Variants in ADGRL3 observed in about 807,000 individuals in gnomAD.
ADGRL3 encodes the protein calcium-independent alpha-latrotoxin receptor 3.
In ADGRL3, 62 loss-of-function variants were observed where a neutral mutation model predicts 153.5. The observed-to-expected ratio is 0.40, with a 90% CI of 0.33 to 0.50. The LOEUF (loss-of-function observed/expected upper bound fraction) is 0.50. Among genes scored for constraint, ADGRL3 ranks in the 20% least tolerant of loss-of-function variants. The probability of loss-of-function intolerance (pLI) is 0.47; values close to 1 mark genes in which losing one functional copy is unlikely to be tolerated. For synonymous variants in ADGRL3, 710 were observed against 672.5 expected (o/e 1.06, Z -0.86); for missense variants, 1,641 against 1,859.4 (o/e 0.88, Z 2.16).
chr4:61,502,300 A>G (rs925817411), intron 3 of ADGRL3, among the ~76,000 whole-genome samples: 1 of 152,114 alleles, frequency 6.6e-6, no homozygotes, highest in African/African-American at 2.4e-5. Context: ...GTGCTCAAAT[A>G]TTTCAACTAC....
chr4:61,224,676 TG>T (rs1459921620), intron 1 of ADGRL3, among the ~76,000 whole-genome samples: 1 of 152,186 alleles, frequency 6.6e-6, no homozygotes, highest in Non-Finnish European at 1.5e-5. Context: ...GCCACCTCCT[TG>T]AATTCTCTGT....
intron 4 of ADGRL3, among the ~76,000 whole-genome samples, chr4:61,552,916 A>G (rs966082601): frequency 1.3e-5 from 2 of 152,178 alleles, no homozygotes; most frequent in Non-Finnish European, 2.9e-5. Context: ...GTATTGGTCT[A>G]TTCCATAAAT....
At chr4:61,571,836 G>GT (rs1404033666) in intron 4 of ADGRL3, among the ~76,000 whole-genome samples, 3 of 152,116 alleles carry the variant, frequency 2.0e-5, no homozygotes, top group Non-Finnish European at 4.4e-5. Flanking sequence ...TACTTTAAAA[G>GT]TTTGAGAAAT....
chr4:61,691,656 GTCTA>G (rs1289082418), intron 6 of ADGRL3, among the ~76,000 whole-genome samples: 6 of 152,128 alleles, frequency 3.9e-5, no homozygotes, highest in Non-Finnish European at 8.8e-5. Context: ...CTTTAACAAA[GTCTA>G]TCTAATACGG....
At chr4:61,439,645 C>T (rs2152459678) in intron 2 of ADGRL3, among the ~76,000 whole-genome samples, 1 of 152,202 alleles carries the variant, frequency 6.6e-6, no homozygotes, top group African/African-American at 2.4e-5. Flanking sequence ...TAATGTTCCC[C>T]TCCCTATATC....
chr4:61,874,672 A>C (rs1282160550), intron 9 of ADGRL3, among the ~76,000 whole-genome samples: 1 of 151,810 alleles, frequency 6.6e-6, no homozygotes, highest in African/African-American at 2.4e-5. Flanking sequence ...CTGCTAGTAA[A>C]ATATACATAC....
chr4:61,465,534 AC>A (rs1415787711), intron 2 of ADGRL3, among the ~76,000 whole-genome samples: 1 of 151,640 alleles, frequency 6.6e-6, no homozygotes, highest in African/African-American at 2.4e-5. Flanking sequence ...ATTGTATTTT[AC>A]CAAAAGAAAA....
intron 1 of ADGRL3, among the ~76,000 whole-genome samples, chr4:61,285,598 T>G (rs1344766850): frequency 6.6e-6 from 1 of 151,888 alleles, no homozygotes. Context: ...GGCATTGTTG[T>G]AAACAAAGGA....
At chr4:61,652,388 A>G (rs1370942261) in intron 5 of ADGRL3, among the ~76,000 whole-genome samples, 2 of 152,180 alleles carry the variant, frequency 1.3e-5, no homozygotes, top group Non-Finnish European at 2.9e-5. Flanking sequence ...GTTTCTTTGG[A>G]TTAATTGATT....
intron 1 of ADGRL3, among the ~76,000 whole-genome samples, chr4:61,344,747 T>G (rs979728331): frequency 3.3e-5 from 5 of 152,108 alleles, no homozygotes; most frequent in African/African-American, 1.2e-4. Flanking sequence ...ACATCTCTTT[T>G]GCTTGTTTAC....
intron 1 of ADGRL3, among the ~76,000 whole-genome samples, chr4:61,257,561 A>G (rs1228229385): frequency 3.9e-5 from 6 of 152,304 alleles, no homozygotes; most frequent in Middle Eastern, 3.4e-3. Flanking sequence ...AGTATTAGAC[A>G]TACTAAATAG....
chr4:61,711,690 A>G (rs1290978306), intron 6 of ADGRL3, among the ~76,000 whole-genome samples: 1 of 151,650 alleles, frequency 6.6e-6, no homozygotes, highest in Non-Finnish European at 1.5e-5. Flanking sequence ...GCCATACAGA[A>G]AACAAAAGTG....
At chr4:61,736,374 C>A (rs937976981) in intron 8 of ADGRL3, among the ~76,000 whole-genome samples, 1 of 152,164 alleles carries the variant, frequency 6.6e-6, no homozygotes, top group Non-Finnish European at 1.5e-5. Context: ...CTATTGAAGG[C>A]TGGGCGTGGT....
At chr4:61,635,859 A>T (rs1178508673) in intron 5 of ADGRL3, among the ~76,000 whole-genome samples, 1 of 152,010 alleles carries the variant, frequency 6.6e-6, no homozygotes, top group African/African-American at 2.4e-5. Flanking sequence ...CTGTGTGTAT[A>T]TGTGTCCTAA....
intron 1 of ADGRL3, among the ~76,000 whole-genome samples, chr4:61,274,270 A>T (rs565219753): frequency 4.6e-5 from 7 of 152,244 alleles, no homozygotes; most frequent in African/African-American, 1.7e-4. Context: ...AAATATAAAA[A>T]TGATAAATGC....
At position 61,949,016 on chromosome 4, in the gene ADGRL3, AG is replaced by A. The variant is rs1191334343; in HGVS notation, c.2805+741del. ...TTAGGAGGCCTAGGTCAGGAAACTC[AG>A]AAAAAAAAAAAAAACACTAAGCAGG... On this transcript the variant is annotated intron_variant, in intron 17 of 26. Coordinates refer to ENST00000683033, the MANE Select transcript of ADGRL3 (RefSeq NM_001387552.1). Among the ~76,000 whole-genome samples, 1,448 of 148,796 alleles carry A rather than the reference AG, an allele frequency of 9.7e-3. 11 individuals are homozygous for A. Among genetic ancestry groups the A allele is most frequent in the Middle Eastern group, 0.021 (6 of 292 alleles).
At chr4:61,956,185 C>T (rs895984266) in intron 17 of ADGRL3, among the ~76,000 whole-genome samples, 1 of 152,160 alleles carries the variant, frequency 6.6e-6, no homozygotes, top group African/African-American at 2.4e-5. Flanking sequence ...GCTCCACAGC[C>T]TTGCCAGCAT....
At chr4:61,977,164 A>C (rs1283347720) in intron 17 of ADGRL3, among the ~76,000 whole-genome samples, 1 of 151,232 alleles carries the variant, frequency 6.6e-6, no homozygotes, top group African/African-American at 2.4e-5. Flanking sequence ...CTAATAATGC[A>C]CCTACACAGA....
chr4:61,289,229 G>A (rs978139568), intron 1 of ADGRL3, among the ~76,000 whole-genome samples: 1 of 151,766 alleles, frequency 6.6e-6, no homozygotes, highest in Admixed American at 6.6e-5. Flanking sequence ...GTATTCATGA[G>A]GGCTATATGT....
Sources: allele counts gnomAD v4.1 joint callset (sites outside exome capture counted in the v4.1 genomes callset), GRCh38; gene constraint gnomAD v4.1.1; transcripts MANE v1.5; gene names NCBI Gene and HGNC (gene_info 2026-07-23, HGNC 2026-07-21).